Variants in RASD1 observed in about 807,000 individuals in gnomAD.
RASD1 encodes ras related dexamethasone induced 1, also known as dexamethasone-induced Ras-related protein 1.
RASD1 carries 13 observed loss-of-function variants against 16.7 expected under a neutral mutation model. The ratio of observed to expected loss-of-function variants is 0.78; its 90% CI spans 0.51 to 1.24. The LOEUF is 1.24. Among genes scored for constraint, RASD1 ranks in the 50% most tolerant of loss-of-function variants. The pLI, the probability that RASD1 is intolerant of heterozygous loss-of-function variation, is 0.00. For synonymous variants in RASD1, 170 were observed against 172.6 expected, an observed-to-expected ratio of 0.98 and a Z score of 0.12; for missense variants, 397 against 407.5, an observed-to-expected ratio of 0.97 and a Z score of 0.22.
At position 17,496,098 on chromosome 17, in the gene RASD1, G is replaced by T. The variant is rs368069213; in HGVS notation, c.84C>A (p.Val28=). The T allele has an allele frequency of 5.0e-6, 8 of 1,614,118 alleles. No individual in the cohort carries two copies. The highest frequency in any genetic ancestry group is 6.8e-6 in the Non-Finnish European group (8 of 1,180,026). The change falls in exon 1 of 2, where the codon GTC becomes GTA. Residue 28 remains valine (V), a synonymous_variant. Transcript: ENST00000225688. ...TGCCCACCTTGGACGAGCCGAGGATGACCATGCGATAGCAGTTCTTGGCCG... is the reference window on the plus strand; with the variant it reads ...TGCCCACCTTGGACGAGCCGAGGATTACCATGCGATAGCAGTTCTTGGCCG... The part of the protein sequence containing the change: ...SIPAKNCYRM[V]ILGSSKVGKT...
At position 17,495,933 on chromosome 17, in the gene RASD1, G is replaced by C; in HGVS notation, c.249C>G (p.His83Gln). ...QLDILDTSGN[H>Q]PFPAMRRLSI... ...AGAGGCGCCGCATGGCGGGGAACGG[G>C]TGGTTGCCGGACGTGTCGAGGATGT... The change falls in exon 1 of 2, where the codon CAC becomes CAG. Residue 83 changes from histidine (H) to glutamine (Q), a missense_variant. Coordinates refer to ENST00000225688, the MANE Select transcript of RASD1 (RefSeq NM_016084.5). 2.5e-6 allele frequency: 4 copies of C among 1,611,258 alleles called. No homozygotes were observed. The highest frequency in any genetic ancestry group is 3.4e-6 in the Non-Finnish European group (4 of 1,179,950).
chr17:17,494,651 G>T lies in RASD1; in HGVS notation c.*474C>A. The T allele has an allele frequency of 5.5e-6, 1 of 180,618 alleles. No individual in the cohort carries two copies. Among genetic ancestry groups the T allele is most frequent in the Non-Finnish European group, 1.1e-5 (1 of 86,994 alleles). 11.2% of individuals were successfully genotyped at this position (180,618 alleles called of 1,614,324 possible). On this transcript the variant is annotated 3_prime_UTR_variant, in exon 2 of 2. Transcript: ENST00000225688. ...GTCACTTGGCTATGATTTGACCCAC[G>T]CCCCCCCGCTTAGTTTTGGGAGGGC...
intron 1 of RASD1, 34 bp downstream of exon 1, chr17:17,495,862 C>T: frequency 5.7e-6 from 9 of 1,570,076 alleles, no homozygotes; most frequent in Non-Finnish European, 7.8e-6. Context: ...GTTCCCCGCC[C>T]TTCCCTCCCG....
Position 17,496,278 on chromosome 17 carries a change from G to C in RASD1, c.-97C>G. Reference sequence around the variant, plus strand: ...GGCACGCGGGGTGAGCGGCTGGAGGGCTCTGCTCGGGCTGGGCGCGGCTCG... The same window carrying C: ...GGCACGCGGGGTGAGCGGCTGGAGGCCTCTGCTCGGGCTGGGCGCGGCTCG... On this transcript the variant is annotated 5_prime_UTR_variant, in exon 1 of 2. Coordinates refer to ENST00000225688, the MANE Select transcript of RASD1 (RefSeq NM_016084.5). 1 of 1,337,710 alleles carries C rather than the reference G, an allele frequency of 7.5e-7. No individual in the cohort carries two copies. 82.9% of individuals were successfully genotyped at this position (1,337,710 alleles called of 1,614,324 possible).
In RASD1 at chr17:17,495,325, C is replaced by T. The variant is rs1240967700; in HGVS notation, c.646G>A (p.Val216Met). 3 of 1,557,396 alleles carry T rather than the reference C, an allele frequency of 1.9e-6. No individual in the cohort carries two copies. The highest frequency in any genetic ancestry group is 2.6e-6 in the Non-Finnish European group (3 of 1,150,894). The change falls in exon 2 of 2, where the codon GTG becomes ATG. Residue 216 changes from valine to methionine, a missense_variant. By Grantham distance (21) the Val-to-Met change is conservative. Coordinates refer to ENST00000225688, the MANE Select transcript of RASD1 (RefSeq NM_016084.5). ...TTCCGCAGCGCCTTCTTGTGCAGCA[C>T]GTCGCAGTACTGCACCGAGACCTTG... ...HRKVSVQYCD[V>M]LHKKALRNKK...
Position 17,495,281 on chromosome 17 carries a change from G to C in RASD1, c.690C>G (p.Ala230=). The C allele has an allele frequency of 6.4e-7, 1 of 1,561,860 alleles. No homozygotes were observed. The highest frequency in any genetic ancestry group is 1.7e-4 in the Middle Eastern group (1 of 5,796). The part of the protein sequence containing the change: ...KALRNKKLLR[A]GSGGGGGDPG... ...GGTCGCCGCCGCCGCCGCCGCTGCC[G>C]GCCCGCAGCAGCTTCTTGTTCCGCA... Residue 230 remains alanine, a synonymous_variant, in exon 2 of 2, where the codon GCC becomes GCG. Transcript: ENST00000225688.
At chr17:17,495,857 C>G (rs1418642996) in intron 1 of RASD1, 39 bp downstream of exon 1, 1 of 1,558,276 alleles carries the variant, frequency 6.4e-7, no homozygotes, top group East Asian at 2.3e-5. Context: ...CGAGGGTTCC[C>G]CGCCCTTCCC....
Position 17,496,241 on chromosome 17 carries a change from G to A in RASD1, c.-60C>T. The A allele has an allele frequency of 1.3e-6, 2 of 1,485,242 alleles. No homozygotes were observed. Among genetic ancestry groups the A allele is most frequent in the Admixed American group, 4.2e-5 (2 of 48,008 alleles). The allele number at this position is 1,485,242 out of a possible 1,614,324, so 92.0% of individuals were successfully genotyped here. A position where few individuals can be genotyped will look rare whatever the true frequency, so the allele number is the denominator to read the frequency against. ...GAGAGAAGGGCAGAGAGCGGCTGAG[G>A]GTCGCTGGGGTGGCACGCGGGGTGA... On this transcript the variant is annotated 5_prime_UTR_variant, in exon 1 of 2. Coordinates refer to ENST00000225688, the MANE Select transcript of RASD1 (RefSeq NM_016084.5).
chr17:17,495,015 G>A lies in RASD1; in HGVS notation c.*110C>T. The A allele has an allele frequency of 7.4e-7, 1 of 1,352,948 alleles. No homozygotes were observed. The highest frequency in any genetic ancestry group is 1.0e-6 in the Non-Finnish European group (1 of 990,390). The allele number at this position is 1,352,948 out of a possible 1,614,324, so 83.8% of individuals were successfully genotyped here. Reference sequence around the variant, plus strand: ...CCCAGTGCTGGGGGCGGATCGCCGGGAGGGGAGACGCCAGTCCGCGCGCGC... The same window carrying A: ...CCCAGTGCTGGGGGCGGATCGCCGGAAGGGGAGACGCCAGTCCGCGCGCGC... On this transcript the variant is annotated 3_prime_UTR_variant, in exon 2 of 2. Coordinates refer to ENST00000225688, the MANE Select transcript of RASD1 (RefSeq NM_016084.5).
Position 17,495,880 on chromosome 17 carries a change from C to G in RASD1, c.286+16G>C. On this transcript the variant is annotated intron_variant, in intron 1 of 1. Coordinates refer to ENST00000225688, the MANE Select transcript of RASD1 (RefSeq NM_016084.5). ...CCCCGCCCTTCCCTCCCGCACCTGC[C>G]CGGCCCCCGGCTCACCTGTGAGGAT... 2 of 1,594,520 alleles carry G rather than the reference C, an allele frequency of 1.3e-6. No individual in the cohort carries two copies. Among genetic ancestry groups the G allele is most frequent in the Non-Finnish European group, 1.7e-6 (2 of 1,172,352 alleles).
rs1905382695 is a variant in RASD1 at position 17,495,270 on chromosome 17, C to T, written c.701G>A (p.Gly234Asp). ...GGCGTCGCCCGGGTCGCCGCCGCCG[C>T]CGCCGCTGCCGGCCCGCAGCAGCTT... ...NKKLLRAGSG[G>D]GGGDPGDAFG... is the part of the protein sequence containing the mutation. The change falls in exon 2 of 2, where the codon GGC (glycine) becomes GAC (aspartate). Residue 234 changes from glycine (G) to aspartate (D), a missense_variant. Physicochemically the swap from Gly to Asp is moderately conservative, Grantham distance 94 (BLOSUM62 -1). Transcript: ENST00000225688. 1.9e-6 allele frequency: 3 copies of T among 1,564,492 alleles called. No homozygotes were observed. The highest frequency in any genetic ancestry group is 1.4e-5 in the African/African-American group (1 of 73,742).
In RASD1 at chr17:17,494,709, A is replaced by C; in HGVS notation, c.*416T>G. On this transcript the variant is annotated 3_prime_UTR_variant, in exon 2 of 2. Coordinates refer to ENST00000225688, the MANE Select transcript of RASD1 (RefSeq NM_016084.5). ...CTACCGGCTGTCACAGCAACCCGGA[A>C]TCACAGACAAGATAATGCCCCGTGG... 5.0e-6 allele frequency: 1 copy of C among 199,062 alleles called. No homozygotes were observed. Among genetic ancestry groups the C allele is most frequent in the Non-Finnish European group, 1.0e-5 (1 of 98,708 alleles). 12.3% of individuals were successfully genotyped at this position (199,062 alleles called of 1,614,324 possible).
In RASD1 at chr17:17,496,267, G is replaced by A; in HGVS notation, c.-86C>T. The A allele has an allele frequency of 7.1e-7, 1 of 1,402,156 alleles. No individual in the cohort carries two copies. Among genetic ancestry groups the A allele is most frequent in the Non-Finnish European group, 9.5e-7 (1 of 1,047,876 alleles). The allele number at this position is 1,402,156 out of a possible 1,614,324, so 86.9% of individuals were successfully genotyped here. On this transcript the variant is annotated 5_prime_UTR_variant, in exon 1 of 2. Transcript: ENST00000225688. Reference sequence around the variant, plus strand: ...GTCGCTGGGGTGGCACGCGGGGTGAGCGGCTGGAGGGCTCTGCTCGGGCTG... The same window carrying A: ...GTCGCTGGGGTGGCACGCGGGGTGAACGGCTGGAGGGCTCTGCTCGGGCTG...
Position 17,496,218 on chromosome 17 carries a change from G to A in RASD1, c.-37C>T. On this transcript the variant is annotated 5_prime_UTR_variant, in exon 1 of 2. Transcript: ENST00000225688. The stretch of plus-strand genomic sequence containing the variant: ...GCCGCGAGGGCGGGCGCGGGGCCGA[G>A]AGAAGGGCAGAGAGCGGCTGAGGGT... The A allele has an allele frequency of 1.3e-6, 2 of 1,530,440 alleles. No individual in the cohort carries two copies. Among genetic ancestry groups the A allele is most frequent in the South Asian group, 2.5e-5 (2 of 81,422 alleles). 94.8% of individuals were successfully genotyped at this position (1,530,440 alleles called of 1,614,324 possible). A position where few individuals can be genotyped will look rare whatever the true frequency, so the allele number is the denominator to read the frequency against.
Position 17,495,055 on chromosome 17 carries a change from G to A in RASD1, c.*70C>T. 6.4e-7 allele frequency: 1 copy of A among 1,562,370 alleles called. No individual in the cohort carries two copies. Among genetic ancestry groups the A allele is most frequent in the Non-Finnish European group, 8.7e-7 (1 of 1,153,960 alleles). On this transcript the variant is annotated 3_prime_UTR_variant, in exon 2 of 2. Coordinates refer to ENST00000225688, the MANE Select transcript of RASD1 (RefSeq NM_016084.5). ...TCCGCGCGCGCTCCCGGCCTGGGGC[G>A]CACCGGGCCGTTGGATTTGACTTAA...
Position 17,495,534 on chromosome 17 carries a change from T to C in RASD1, c.437A>G (p.Lys146Arg), listed in dbSNP as rs1326574986. 8.1e-6 allele frequency: 13 copies of C among 1,612,632 alleles called. No homozygotes were observed. Among genetic ancestry groups the C allele is most frequent in the Non-Finnish European group, 1.1e-5 (13 of 1,179,784 alleles). ...VDVPLVICGN[K>R]GDRDFYREVD... ...CTCGCGGTAGAAGTCGCGGTCACCC[T>C]TGTTGCCGCAGATGACCAGGGGCAC... Residue 146 changes from lysine to arginine, a missense_variant, in exon 2 of 2, where the codon AAG becomes AGG. By Grantham distance (26) the Lys-to-Arg change is conservative. Coordinates refer to ENST00000225688, the MANE Select transcript of RASD1 (RefSeq NM_016084.5).
chr17:17,495,264 C>T lies in RASD1; in HGVS notation c.707G>A (p.Gly236Asp), dbSNP rs146717971. The T allele has an allele frequency of 2.7e-3, 4,260 of 1,559,834 alleles. 13 individuals carry two copies. The highest frequency in any genetic ancestry group is 3.5e-3 in the Non-Finnish European group (4,091 of 1,154,258). Residue 236 changes from glycine (G) to aspartate (D), a missense_variant, in exon 2 of 2, where the codon GGC becomes GAC. Transcript: ENST00000225688. ...KLLRAGSGGG[G>D]GDPGDAFGIV... ...GCCAAAGGCGTCGCCCGGGTCGCCG[C>T]CGCCGCCGCCGCTGCCGGCCCGCAG...
In RASD1 at chr17:17,494,594, T is replaced by C. The variant is rs1003821845; in HGVS notation, c.*531A>G. The C allele has an allele frequency of 2.5e-5, 4 of 159,296 alleles. No individual in the cohort carries two copies. Among genetic ancestry groups the C allele is most frequent in the Non-Finnish European group, 5.5e-5 (4 of 72,632 alleles). 9.9% of individuals were successfully genotyped at this position (159,296 alleles called of 1,614,324 possible). On this transcript the variant is annotated 3_prime_UTR_variant, in exon 2 of 2. Coordinates refer to ENST00000225688, the MANE Select transcript of RASD1 (RefSeq NM_016084.5). ...TTAAAGTGCAAGTTTTGTTTTGTGT[T>C]CCTTTGTGCAGTTTCACTCACATGT...
chr17:17,495,311 C>T lies in RASD1; in HGVS notation c.660G>A (p.Lys220=), dbSNP rs906589392. ...GCAGCAGCTTCTTGTTCCGCAGCGC[C>T]TTCTTGTGCAGCACGTCGCAGTACT... ...SVQYCDVLHK[K]ALRNKKLLRA... is the part of the protein sequence containing the mutation. Residue 220 remains lysine (K), a synonymous_variant, in exon 2 of 2, where the codon AAG becomes AAA. Coordinates refer to ENST00000225688, the MANE Select transcript of RASD1 (RefSeq NM_016084.5). The T allele has an allele frequency of 6.4e-7, 1 of 1,555,182 alleles. No individual in the cohort carries two copies. The highest frequency in any genetic ancestry group is 2.0e-5 in the Admixed American group (1 of 51,034).
Sources: allele counts gnomAD v4.1 joint callset, GRCh38; gene constraint gnomAD v4.1.1; transcripts MANE v1.5; gene names NCBI Gene and HGNC (gene_info 2026-07-23, HGNC 2026-07-21).